Variants in NAALAD2 observed in about 807,000 individuals in gnomAD.
NAALAD2 encodes N-acetylated alpha-linked acidic dipeptidase 2.
NAALAD2 carries 89 observed loss-of-function variants against 95.6 expected under a neutral mutation model. The ratio of observed to expected loss-of-function variants is 0.93; its 90% CI spans 0.78 to 1.11. The LOEUF (loss-of-function observed/expected upper bound fraction) is 1.11. NAALAD2 is among the 50% of genes least tolerant of loss of function. The pLI is 0.00. For missense variants in NAALAD2, 894 were observed against 872.4 expected (o/e 1.02, Z -0.31); for synonymous variants, 264 against 294.4 (o/e 0.90, Z 1.06).
rs1953005373 is a variant in NAALAD2, at chr11:90,182,579, A to G, written c.1941-337A>G. Among the ~76,000 whole-genome samples, 3 of 152,152 alleles carry G rather than the reference A, an allele frequency of 2.0e-5. 1 individual carries two copies. The South Asian group carries it at 6.2e-4, about 31-fold the overall frequency. On this transcript the variant is annotated intron_variant, in intron 17 of 18. Transcript: ENST00000534061. The stretch of plus-strand genomic sequence containing the variant: ...CAGCAGTAGAACCGAATGACTTATC[A>G]GGAATAACTTGATAGCTCACTTTGT...
chr11:90,171,535 C>T (rs1225158096), intron 13 of NAALAD2, among the ~76,000 whole-genome samples: 1 of 152,120 alleles, frequency 6.6e-6, no homozygotes, highest in Non-Finnish European at 1.5e-5. Context: ...GAGAGATGAT[C>T]CCTGGCCTTG....
At chr11:90,155,097 G>A (rs190540111) in intron 6 of NAALAD2, among the ~76,000 whole-genome samples, 5 of 117,062 alleles carry the variant, frequency 4.3e-5, no homozygotes, top group South Asian at 2.4e-4. Flanking sequence ...TATTATATAC[G>A]TATACATATG....
In NAALAD2 at chr11:90,161,925, G is replaced by GA. The variant is rs11322265; in HGVS notation, c.990-1011dup. 1.5e-3 allele frequency among the ~76,000 whole-genome samples: 209 copies of GA among 143,366 alleles called. 1 individual carries two copies. Among genetic ancestry groups the GA allele is most frequent in the Middle Eastern group, 3.6e-3 (1 of 280 alleles). 94.1% of individuals were successfully genotyped at this position (143,366 alleles called of 152,430 possible). A position where few individuals can be genotyped will look rare whatever the true frequency, so the allele number is the denominator to read the frequency against. ...AATCATTTACTTAATGCCTTAAAAT[G>GA]AAAAAAAAAAAAACATCGATTAGTT... is the stretch of plus-strand genomic sequence containing the variant. On this transcript the variant is annotated intron_variant, in intron 8 of 18. Transcript: ENST00000534061.
At chr11:90,187,881 A>G (rs1591034126) in intron 18 of NAALAD2, among the ~76,000 whole-genome samples, 1 of 152,228 alleles carries the variant, frequency 6.6e-6, no homozygotes. Flanking sequence ...ATATATGTAC[A>G]TTACATATGT....
rs57694347 is a variant in NAALAD2 at position 90,177,586 on chromosome 11, G to GTTTTTTTTTTTTTTTTTTTTTTTTTTTTT, written c.1594-257_1594-229dup. Among the ~76,000 whole-genome samples the GTTTTTTTTTTTTTTTTTTTTTTTTTTTTT allele has an allele frequency of 7.4e-4, 21 of 28,464 alleles. 10 individuals carry two copies. Among genetic ancestry groups the GTTTTTTTTTTTTTTTTTTTTTTTTTTTTT allele is most frequent in the Non-Finnish European group, 1.2e-3 (19 of 16,070 alleles). The allele number at this position is 28,464 out of a possible 152,430, so 18.7% of individuals were successfully genotyped here. On this transcript the variant is annotated intron_variant, in intron 15 of 18. Coordinates refer to ENST00000534061, the MANE Select transcript of NAALAD2 (RefSeq NM_005467.4). ...TATGGTTGTATTTTTTCTTTTTCTT[G>GTTTTTTTTTTTTTTTTTTTTTTTTTTTTT]TTTTTTTTTTTTTTTTTTTTTTTTT...
rs3740811 is a variant in NAALAD2, at chr11:90,181,719, T to C, written c.1940+18T>C. On this transcript the variant is annotated intron_variant, in intron 17 of 18. Transcript: ENST00000534061. ...CTTAACAAGTAAGTTTCAAATCCCT[T>C]TTTTTTTAAAAAAAAAAAAAAAAGC... is the stretch of plus-strand genomic sequence containing the variant. 175 of 1,395,372 alleles carry C rather than the reference T, an allele frequency of 1.3e-4. No individual in the cohort carries two copies. Among genetic ancestry groups the C allele is most frequent in the African/African-American group, 4.5e-4 (23 of 50,572 alleles). The allele number at this position is 1,395,372 out of a possible 1,614,324, so 86.4% of individuals were successfully genotyped here.
intron 11 of NAALAD2, among the ~76,000 whole-genome samples, chr11:90,166,316 T>C (rs890970419): frequency 6.6e-6 from 1 of 152,202 alleles, no homozygotes; most frequent in South Asian, 2.1e-4. Flanking sequence ...TTTGTGTATG[T>C]GTATGAGAGA....
intron 16 of NAALAD2, among the ~76,000 whole-genome samples, chr11:90,180,462 T>C (rs993653061): frequency 3.3e-5 from 5 of 152,096 alleles, no homozygotes; most frequent in East Asian, 3.9e-4. Context: ...AATATACTTA[T>C]ACTGAATGTA....
chr11:90,166,419 A>G (rs886972316), intron 11 of NAALAD2, among the ~76,000 whole-genome samples: 1 of 152,234 alleles, frequency 6.6e-6, no homozygotes, highest in Non-Finnish European at 1.5e-5. Flanking sequence ...CATAGTAAAT[A>G]TAAACAAATG....
intron 2 of NAALAD2, among the ~76,000 whole-genome samples, chr11:90,146,282 T>TAA (rs760910686): frequency 2.8e-5 from 3 of 108,404 alleles, no homozygotes; most frequent in African/African-American, 1.0e-4. Context: ...TCCGGTTAAC[T>TAA]AAAAAAAAAA....
intron 11 of NAALAD2, among the ~76,000 whole-genome samples, chr11:90,168,652 C>T (rs1952548071): frequency 3.3e-5 from 5 of 152,122 alleles, no homozygotes; most frequent in Admixed American, 3.3e-4. Context: ...CAAGGAACCA[C>T]ACTTTGAAAA....
At chr11:90,159,824 C>T (rs1952234975) in intron 8 of NAALAD2, among the ~76,000 whole-genome samples, 1 of 145,548 alleles carries the variant, frequency 6.9e-6, no homozygotes, top group South Asian at 2.2e-4. Context: ...GATGGTGGTG[C>T]ATGCCTGTAA....
At chr11:90,155,845 T>TTA (rs71472286) in intron 6 of NAALAD2, among the ~76,000 whole-genome samples, 1 of 135,944 alleles carries the variant, frequency 7.4e-6, no homozygotes, top group African/African-American at 2.7e-5. Context: ...AATATATATG[T>TTA]TATATATATT....
chr11:90,167,794 T>G (rs764601565), intron 11 of NAALAD2, among the ~76,000 whole-genome samples: 1 of 152,082 alleles, frequency 6.6e-6, no homozygotes, highest in African/African-American at 2.4e-5. Context: ...GGGAAAGAAC[T>G]TTTGTGTGTA....
At chr11:90,183,040 T>A (rs770279841) in intron 18 of NAALAD2, 32 bp downstream of exon 18, 3 of 1,530,192 alleles carry the variant, frequency 2.0e-6, no homozygotes, top group Non-Finnish European at 2.7e-6. Context: ...AATACATCAC[T>A]GTGACCAAAA....
chr11:90,140,718 G>C (rs1951589283), intron 2 of NAALAD2, among the ~76,000 whole-genome samples: 1 of 151,948 alleles, frequency 6.6e-6, no homozygotes, highest in African/African-American at 2.4e-5. Flanking sequence ...ACCTTATTTT[G>C]ATGAGGTTTA....
At chr11:90,176,793 A>G (rs1168402418) in intron 15 of NAALAD2, among the ~76,000 whole-genome samples, 1 of 152,230 alleles carries the variant, frequency 6.6e-6, no homozygotes, top group Non-Finnish European at 1.5e-5. Flanking sequence ...CATTATATGT[A>G]TATCACTTGC....
intron 15 of NAALAD2, among the ~76,000 whole-genome samples, chr11:90,177,078 A>G (rs1952813203): frequency 6.6e-6 from 1 of 152,210 alleles, no homozygotes. Context: ...TACTAACAGC[A>G]GTAAGAACGA....
intron 11 of NAALAD2, among the ~76,000 whole-genome samples, chr11:90,167,879 C>A (rs189531510): frequency 1.3e-5 from 2 of 152,100 alleles, no homozygotes; most frequent in South Asian, 2.1e-4. Context: ...ACAGACCAAT[C>A]GGCTCTCTGT....
Sources: gnomAD v4.1 joint callset for allele counts (sites outside exome capture counted in the v4.1 genomes callset) on GRCh38, gnomAD v4.1.1 for gene constraint, MANE v1.5 for transcripts, NCBI Gene and HGNC (gene_info 2026-07-23, HGNC 2026-07-21) for gene names.